Variants in COLEC12 observed in about 807,000 individuals in gnomAD.
COLEC12 encodes collectin-12.
COLEC12 carries 33 observed loss-of-function variants against 71.1 expected under a neutral mutation model. The ratio of observed to expected loss-of-function variants is 0.46; its 90% confidence interval spans 0.35 to 0.62. The LOEUF is 0.62. Ranked by LOEUF, COLEC12 falls within the 20% of genes least tolerant of loss-of-function variation. The pLI, the probability that COLEC12 is intolerant of heterozygous loss-of-function variation, is 0.00. For missense variants in COLEC12, 765 were observed against 916.1 expected (o/e 0.84, Z 2.13); for synonymous variants, 350 against 353.0 (o/e 0.99, Z 0.10).
chr18:440,433 G>A (rs1357799375), intron 2 of COLEC12, among the ~76,000 whole-genome samples: 1 of 151,892 alleles, frequency 6.6e-6, no homozygotes, highest in Non-Finnish European at 1.5e-5. Flanking sequence ...GGATAAATGT[G>A]TTAATATTTA....
In COLEC12 at chr18:469,483, C is replaced by T. The variant is rs572649036; in HGVS notation, c.58+11224G>A. Among the ~76,000 whole-genome samples the T allele has an allele frequency of 9.8e-5, 15 of 152,322 alleles. No homozygotes were observed. The South Asian group carries it at 2.3e-3, about 23-fold the overall frequency. On this transcript the variant is annotated intron_variant, in intron 2 of 9. Coordinates refer to ENST00000400256, the MANE Select transcript of COLEC12 (RefSeq NM_130386.3). ...CAACACATTATGGATAGGTAGTAAACGTCACATCACTTTGATATGCAGGAC... is the reference window on the plus strand; with the variant it reads ...CAACACATTATGGATAGGTAGTAAATGTCACATCACTTTGATATGCAGGAC...
chr18:385,355 C>T (rs988136271), intron 2 of COLEC12, among the ~76,000 whole-genome samples: 4 of 131,628 alleles, frequency 3.0e-5, no homozygotes, highest in South Asian at 2.4e-4. Flanking sequence ...GACAGAGTCT[C>T]GCTCTGTTGC....
At position 316,814 on chromosome 18, in the gene COLEC12, AAC is replaced by A. The variant is rs1913560013; in HGVS notation, c.*3229_*3230del. The A allele has an allele frequency of 6.6e-6, 1 of 152,100 alleles. No homozygotes were observed. Among genetic ancestry groups the A allele is most frequent in the Admixed American group, 6.6e-5 (1 of 15,266 alleles). The allele number at this position is 152,100 out of a possible 1,614,324, so 9.4% of individuals were successfully genotyped here. A position where few individuals can be genotyped will look rare whatever the true frequency, so the allele number is the denominator to read the frequency against. On this transcript the variant is annotated 3_prime_UTR_variant, in exon 10 of 10. Transcript: ENST00000400256. ...CTTTCAAAAGCTGTTTAGAGGAAAAAACATTTTCTATCTTCTCATAGTAGTAA... is the reference window on the plus strand; with the variant it reads ...CTTTCAAAAGCTGTTTAGAGGAAAAAATTTTCTATCTTCTCATAGTAGTAA...
intron 2 of COLEC12, among the ~76,000 whole-genome samples, chr18:426,982 C>A (rs1317742623): frequency 6.6e-6 from 1 of 152,106 alleles, no homozygotes; most frequent in Non-Finnish European, 1.5e-5. Context: ...CTGCAAGACC[C>A]CTGAAGAAGG....
At chr18:363,165 C>A (rs1914783912) in intron 2 of COLEC12, among the ~76,000 whole-genome samples, 1 of 152,132 alleles carries the variant, frequency 6.6e-6, no homozygotes, top group Non-Finnish European at 1.5e-5. Flanking sequence ...CTGTGGTTCT[C>A]CATAAAGAGC....
intron 2 of COLEC12, among the ~76,000 whole-genome samples, chr18:421,971 A>C (rs899097445): frequency 6.6e-6 from 1 of 152,182 alleles, no homozygotes; most frequent in Non-Finnish European, 1.5e-5. Flanking sequence ...CAGGCAAATT[A>C]CTGCTGGGTG....
chr18:348,179 T>G lies in COLEC12; in HGVS notation c.182-16A>C. 6.7e-7 allele frequency: 1 copy of G among 1,503,746 alleles called. No homozygotes were observed. The highest frequency in any genetic ancestry group is 1.1e-5 in the South Asian group (1 of 88,658). The allele number at this position is 1,503,746 out of a possible 1,614,324, so 93.2% of individuals were successfully genotyped here. A position where few individuals can be genotyped will look rare whatever the true frequency, so the allele number is the denominator to read the frequency against. ...TTCTCTACAACTAAGATTTGGAAAA[T>G]GATGCATTAGTATACATATCTGCTC... is the stretch of plus-strand genomic sequence containing the variant. On this transcript the variant is annotated splice_polypyrimidine_tract_variant and intron_variant, in intron 3 of 9. Coordinates refer to ENST00000400256, the MANE Select transcript of COLEC12 (RefSeq NM_130386.3).
intron 2 of COLEC12, among the ~76,000 whole-genome samples, chr18:368,850 A>ACC (rs1914929190): frequency 6.6e-6 from 1 of 152,230 alleles, no homozygotes; most frequent in Non-Finnish European, 1.5e-5. Flanking sequence ...TGGGCAACAG[A>ACC]GCGAGACTCC....
chr18:406,710 G>C (rs1450473494), intron 2 of COLEC12, among the ~76,000 whole-genome samples: 1 of 152,190 alleles, frequency 6.6e-6, no homozygotes, highest in African/African-American at 2.4e-5. Context: ...CCCTTTTCCT[G>C]TAACAACTGG....
At chr18:365,612 G>C (rs2143519620) in intron 2 of COLEC12, among the ~76,000 whole-genome samples, 1 of 152,272 alleles carries the variant, frequency 6.6e-6, no homozygotes, top group Non-Finnish European at 1.5e-5. Context: ...AGGTAAGACA[G>C]AGGCAAGGAA....
At chr18:336,922 C>T (rs1055031671) in intron 5 of COLEC12, among the ~76,000 whole-genome samples, 1 of 152,108 alleles carries the variant, frequency 6.6e-6, no homozygotes, top group Non-Finnish European at 1.5e-5. Flanking sequence ...GTGGCATGAT[C>T]ATAGCTCACT....
rs1201623326 is a variant in COLEC12, at chr18:467,147, C to CTTCCTTCA, written c.58+13552_58+13559dup. Among the ~76,000 whole-genome samples, 7 of 151,998 alleles carry CTTCCTTCA rather than the reference C, an allele frequency of 4.6e-5. No homozygotes were observed. In the East Asian group the frequency reaches 1.2e-3, roughly 25 times the overall value. ...CCTGCCCTCTTTCCTTCCTTTCTTC[C>CTTCCTTCA]TTCCTTCATTCTAATGCTGACTTCA... On this transcript the variant is annotated intron_variant, in intron 2 of 9. Coordinates refer to ENST00000400256, the MANE Select transcript of COLEC12 (RefSeq NM_130386.3).
Position 362,621 on chromosome 18 carries a change from T to C in COLEC12, c.59-5099A>G, listed in dbSNP as rs139204136. ...CAGGGAAGGAAGGGCTGGGGACTGA[T>C]ATACAGAGTGCTGCAGAGGAGAGAT... On this transcript the variant is annotated intron_variant, in intron 2 of 9. Coordinates refer to ENST00000400256, the MANE Select transcript of COLEC12 (RefSeq NM_130386.3). The surrounding 1 kb of genome is among the most constrained non-coding windows in gnomAD (Gnocchi z 4.6). Among the ~76,000 whole-genome samples the C allele has an allele frequency of 0.011, 1,683 of 152,188 alleles. 31 individuals are homozygous for C. Among genetic ancestry groups the C allele is most frequent in the African/African-American group, 0.037 (1,555 of 41,516 alleles).
At chr18:466,034 C>T (rs935680657) in intron 2 of COLEC12, among the ~76,000 whole-genome samples, 1 of 152,128 alleles carries the variant, frequency 6.6e-6, no homozygotes, top group Non-Finnish European at 1.5e-5. Flanking sequence ...CACCATTGTA[C>T]TCCGGCCTTG....
intron 2 of COLEC12, among the ~76,000 whole-genome samples, chr18:416,209 C>T (rs375872166): frequency 1.2e-4 from 19 of 152,064 alleles, no homozygotes; most frequent in African/African-American, 4.6e-4. Context: ...TTGACACCCC[C>T]CCAAAAAAAT....
At chr18:442,892 T>C (rs983726306) in intron 2 of COLEC12, among the ~76,000 whole-genome samples, 13 of 151,646 alleles carry the variant, frequency 8.6e-5, no homozygotes, top group African/African-American at 2.2e-4. Flanking sequence ...ACCCGGGAGG[T>C]GGAGCTTGCA....
intron 2 of COLEC12, among the ~76,000 whole-genome samples, chr18:446,652 C>A (rs927105153): frequency 5.3e-5 from 8 of 151,496 alleles, no homozygotes; most frequent in Admixed American, 2.6e-4. Flanking sequence ...GAGGACCTTC[C>A]AAAGTTTTAG....
chr18:329,334 C>T (rs889880876), intron 8 of COLEC12, among the ~76,000 whole-genome samples: 12 of 152,164 alleles, frequency 7.9e-5, no homozygotes, highest in South Asian at 2.1e-4. Context: ...TGTGCATTTA[C>T]GGCAGTGAAA....
chr18:436,305 G>A (rs567885660), intron 2 of COLEC12, among the ~76,000 whole-genome samples: 11 of 152,248 alleles, frequency 7.2e-5, no homozygotes, highest in East Asian at 1.9e-4. Context: ...GAGCTCACAC[G>A]TTTGAGGCCA....
Sources: gnomAD v4.1 joint callset for allele counts (sites outside exome capture counted in the v4.1 genomes callset) on GRCh38, gnomAD v4.1.1 for gene constraint, Gnocchi (gnomAD v3.1) non-coding constraint, MANE v1.5 for transcripts, NCBI Gene and HGNC (gene_info 2026-07-23, HGNC 2026-07-21) for gene names.